The following GRM1 variants were observed in gnomAD, a reference collection of about 807,000 sequenced individuals.
The protein encoded by GRM1 is metabotropic glutamate receptor 1.
In GRM1, 33 loss-of-function variants were observed where a neutral mutation model predicts 90.9. That is an observed-to-expected ratio of 0.36 (90% CI 0.28 to 0.49). The LOEUF (loss-of-function observed/expected upper bound fraction) is 0.49, where lower values mean the gene tolerates loss of function less well. Among genes scored for constraint, GRM1 ranks in the 20% least tolerant of loss-of-function variants. GRM1 has a pLI of 0.99. For missense variants in GRM1, 1,190 were observed against 1,534.3 expected (o/e 0.78, Z 3.75); for synonymous variants, 700 against 613.2 (o/e 1.14, Z -2.09).
At chr6:146,409,166 C>T (rs973778665) in intron 7 of GRM1, among the ~76,000 whole-genome samples, 36 of 152,140 alleles carry the variant, frequency 2.4e-4, no homozygotes, top group Admixed American at 2.1e-3. Context: ...AGGTTTCTGT[C>T]TTCTTGCCTC....
intron 1 of GRM1, among the ~76,000 whole-genome samples, chr6:146,068,804 CTGA>C (rs1775936842): frequency 6.6e-6 from 1 of 152,126 alleles, no homozygotes; most frequent in Admixed American, 6.5e-5. Flanking sequence ...AATTACTTAT[CTGA>C]ACAAAATAAA....
chr6:146,039,649 G>T (rs1232095774), intron 1 of GRM1, among the ~76,000 whole-genome samples: 4 of 151,982 alleles, frequency 2.6e-5, no homozygotes, highest in Non-Finnish European at 5.9e-5. Flanking sequence ...GCCATTGATG[G>T]TTGAGGGAAG....
At chr6:146,337,158 C>T (rs73785346) in intron 3 of GRM1, among the ~76,000 whole-genome samples, 106 of 152,284 alleles carry the variant, frequency 7.0e-4, no homozygotes, top group Middle Eastern at 3.4e-3. Context: ...GCAGTCCAGG[C>T]AGTACTCCTT....
At chr6:146,038,363 A>G (rs1413462967) in intron 1 of GRM1, among the ~76,000 whole-genome samples, 2 of 152,002 alleles carry the variant, frequency 1.3e-5, no homozygotes, top group Non-Finnish European at 1.5e-5. Flanking sequence ...GATTAATAGA[A>G]TTAGGCATGC....
At chr6:146,391,556 C>CT (rs1490958671) in intron 6 of GRM1, among the ~76,000 whole-genome samples, 2 of 151,956 alleles carry the variant, frequency 1.3e-5, no homozygotes, top group African/African-American at 4.8e-5. Flanking sequence ...TTGGATAACT[C>CT]TTTTTTAAAA....
At chr6:146,202,192 A>G (rs1779319967) in intron 2 of GRM1, among the ~76,000 whole-genome samples, 1 of 152,202 alleles carries the variant, frequency 6.6e-6, no homozygotes, top group Non-Finnish European at 1.5e-5. Flanking sequence ...TCAATATATC[A>G]TGTAGCTATC....
intron 2 of GRM1, among the ~76,000 whole-genome samples, chr6:146,287,913 T>A (rs1053263580): frequency 6.6e-6 from 1 of 152,210 alleles, no homozygotes; most frequent in Non-Finnish European, 1.5e-5. Flanking sequence ...CATTTTGGAT[T>A]TCTGACCTCC....
chr6:146,068,243 A>G (rs555664368), intron 1 of GRM1, among the ~76,000 whole-genome samples: 169 of 151,970 alleles, frequency 1.1e-3, no homozygotes, highest in African/African-American at 4.0e-3. Context: ...CCTCCTGAGT[A>G]GCTGGGACTA....
rs1783512575 is a variant in GRM1, at chr6:146,304,644, A to C, written c.984A>C (p.Glu328Asp). The C allele has an allele frequency of 2.5e-6, 4 of 1,613,540 alleles. No homozygotes were observed. Among genetic ancestry groups the C allele is most frequent in the Admixed American group, 1.7e-5 (1 of 59,932 alleles). ...DGWADRDEVI[E>D]GYEVEANGGI... ...GGGCAGACAGAGATGAAGTCATTGAAGGTTATGAGGTGGAAGCCAACGGGG... is the reference window on the plus strand; with the variant it reads ...GGGCAGACAGAGATGAAGTCATTGACGGTTATGAGGTGGAAGCCAACGGGG... The change falls in exon 3 of 8, where the codon GAA becomes GAC. Residue 328 changes from glutamate (E) to aspartate (D), a missense_variant. By Grantham distance (45) the Glu-to-Asp change is conservative. Coordinates refer to ENST00000282753, the MANE Select transcript of GRM1 (RefSeq NM_001278064.2).
At position 146,116,174 on chromosome 6, in the gene GRM1, C is replaced by T. The variant is rs967874750; in HGVS notation, c.701-43174C>T. ...GTTTAGCTATGTTGGCCAGGCTGGT[C>T]TTGAACTCCTGGCCTCAAGTGATCT... On this transcript the variant is annotated intron_variant, in intron 1 of 7. Transcript: ENST00000282753. Among the ~76,000 whole-genome samples the T allele has an allele frequency of 1.2e-4, 18 of 152,196 alleles. No individual in the cohort carries two copies. In the East Asian group the frequency reaches 3.5e-3, roughly 29 times the overall value.
chr6:146,380,912 C>T (rs1036953935), intron 5 of GRM1, among the ~76,000 whole-genome samples: 2 of 152,144 alleles, frequency 1.3e-5, no homozygotes, highest in African/African-American at 4.8e-5. Context: ...ATAGAAGTGT[C>T]CTCTGGGAGC....
intron 1 of GRM1, among the ~76,000 whole-genome samples, chr6:146,150,201 CA>C (rs1253121348): frequency 6.6e-6 from 1 of 152,000 alleles, no homozygotes; most frequent in African/African-American, 2.4e-5. Context: ...CCCCTCTCCC[CA>C]AAGAATAATT....
At chr6:146,237,536 A>G (rs1415875863) in intron 2 of GRM1, among the ~76,000 whole-genome samples, 2 of 152,080 alleles carry the variant, frequency 1.3e-5, no homozygotes, top group African/African-American at 2.4e-5. Flanking sequence ...TTTATTTATA[A>G]AATAATTGTT....
chr6:146,091,221 A>G (rs1015860487), intron 1 of GRM1, among the ~76,000 whole-genome samples: 4 of 152,140 alleles, frequency 2.6e-5, no homozygotes, highest in African/African-American at 9.7e-5. Context: ...TCCCATTGGC[A>G]GGATCAAAGA....
chr6:146,348,338 A>T (rs1483337536), intron 3 of GRM1, among the ~76,000 whole-genome samples: 1 of 152,240 alleles, frequency 6.6e-6, no homozygotes, highest in Non-Finnish European at 1.5e-5. Context: ...AACATTATCT[A>T]GACAGTTGCT....
chr6:146,080,467 G>C (rs1279982160), intron 1 of GRM1, among the ~76,000 whole-genome samples: 1 of 152,094 alleles, frequency 6.6e-6, no homozygotes, highest in East Asian at 1.9e-4. Flanking sequence ...CACAGGGAGA[G>C]CCAGTTCTTC....
At chr6:146,312,376 AAAAGAAT>A in intron 3 of GRM1, among the ~76,000 whole-genome samples, 1 of 150,758 alleles carries the variant, frequency 6.6e-6, no homozygotes, top group African/African-American at 2.4e-5. Context: ...AAAAAAAAAA[AAAAGAAT>A]ATTTAGTAAG....
intron 2 of GRM1, among the ~76,000 whole-genome samples, chr6:146,275,584 T>C (rs1782326863): frequency 6.6e-6 from 1 of 152,074 alleles, no homozygotes; most frequent in Non-Finnish European, 1.5e-5. Flanking sequence ...TTCCTATCTC[T>C]ATCCCTATCC....
At chr6:146,216,507 T>G (rs1020602247) in intron 2 of GRM1, among the ~76,000 whole-genome samples, 3 of 152,208 alleles carry the variant, frequency 2.0e-5, no homozygotes, top group Non-Finnish European at 4.4e-5. Flanking sequence ...TTTATTGCCA[T>G]GTTAACAGCT....
Sources: allele counts gnomAD v4.1 joint callset (sites outside exome capture counted in the v4.1 genomes callset), GRCh38; gene constraint gnomAD v4.1.1; transcripts MANE v1.5; gene names NCBI Gene and HGNC (gene_info 2026-07-23, HGNC 2026-07-21).